ATP5IF1: variants seen among roughly 807,000 people sequenced by gnomAD.
ATP5IF1 encodes ATP synthase inhibitory factor subunit 1, also known as ATPase inhibitor, mitochondrial.
In ATP5IF1, 12 loss-of-function variants were observed where a neutral mutation model predicts 8.5. That is an observed-to-expected ratio of 1.41 (90% CI 0.90 to 2.28). The LOEUF is 2.28. Among genes scored for constraint, ATP5IF1 ranks in the 30% most tolerant of loss-of-function variants. The pLI is 0.00. For missense variants in ATP5IF1, 154 were observed against 140.2 expected (o/e 1.10, Z -0.50); for synonymous variants, 51 against 53.4 (o/e 0.96, Z 0.19).
intron 2 of ATP5IF1, chr1:28,236,804 AC>A (rs1647041182): frequency 2.3e-5 from 27 of 1,184,740 alleles, no homozygotes; most frequent in Non-Finnish European, 2.9e-5. Flanking sequence ...TCTAGATCCG[AC>A]CGCCCAACGT....
chr1:28,236,643 G>T, intron 2 of ATP5IF1, 191 bp downstream of exon 2: 1 of 1,499,458 alleles, frequency 6.7e-7, no homozygotes, highest in Non-Finnish European at 8.9e-7. Context: ...GGCACTCCCA[G>T]TTACCTGCAC....
chr1:28,236,515 T>G (rs2149028502), intron 2 of ATP5IF1, 63 bp downstream of exon 2: 1 of 1,611,628 alleles, frequency 6.2e-7, no homozygotes, highest in Non-Finnish European at 8.5e-7. Context: ...ATCCTTAAAC[T>G]GCCAATCGCC....
At chr1:28,237,117 T>C in intron 2 of ATP5IF1, 1 of 993,774 alleles carries the variant, frequency 1.0e-6, no homozygotes, top group Non-Finnish European at 1.2e-6. Flanking sequence ...GAGTTATCTT[T>C]AACTGACTTC....
At chr1:28,236,706 A>C in intron 2 of ATP5IF1, 1 of 1,411,202 alleles carries the variant, frequency 7.1e-7, no homozygotes, top group Non-Finnish European at 9.3e-7. Flanking sequence ...AAAACAACCC[A>C]CGGCTCAACT....
At chr1:28,237,005 A>G in intron 2 of ATP5IF1, 1 of 1,024,976 alleles carries the variant, frequency 9.8e-7, no homozygotes, top group Non-Finnish European at 1.2e-6. Context: ...GTTGGACACC[A>G]TCTTCTAAAG....
At chr1:28,237,787 C>T in intron 2 of ATP5IF1, 50 bp from the exon 3 acceptor site, 1 of 1,614,134 alleles carries the variant, frequency 6.2e-7, no homozygotes, top group Non-Finnish European at 8.5e-7. Flanking sequence ...TTTGAGATCT[C>T]TTTGGGGTGA....
Position 28,236,985 on chromosome 1 carries a change from G to T in ATP5IF1, c.179+533G>T. 5.8e-6 allele frequency: 6 copies of T among 1,036,878 alleles called. No individual in the cohort carries two copies. In the South Asian group the frequency reaches 2.0e-4, roughly 35 times the overall value. The allele number at this position is 1,036,878 out of a possible 1,614,324, so 64.2% of individuals were successfully genotyped here. ...AGGATGATGGGAGCTGGTCATGGGA[G>T]CTACTTATGGTTGGACACCATCTTC... On this transcript the variant is annotated intron_variant, in intron 2 of 2. Transcript: ENST00000335514.
At position 28,237,910 on chromosome 1, in the gene ATP5IF1, A is replaced by C; in HGVS notation, c.253A>C (p.Ile85Leu). The change falls in exon 3 of 3, where the codon ATT becomes CTT. Residue 85 changes from isoleucine to leucine, a missense_variant. Ile to Leu is a conservative substitution (Grantham distance 5, BLOSUM62 2). Coordinates refer to ENST00000335514, the MANE Select transcript of ATP5IF1 (RefSeq NM_016311.5). ...EEEIVHHKKE[I>L]ERLQKEIERH... ...AGAAATCGTTCATCATAAGAAGGAG[A>C]TTGAGCGTCTGCAGAAAGAAATTGA... The C allele has an allele frequency of 6.2e-7, 1 of 1,614,150 alleles. No homozygotes were observed. Among genetic ancestry groups the C allele is most frequent in the Non-Finnish European group, 8.5e-7 (1 of 1,180,040 alleles).
intron 2 of ATP5IF1, chr1:28,236,846 AC>A (rs1647041585): frequency 2.6e-6 from 3 of 1,161,038 alleles, no homozygotes; most frequent in Middle Eastern, 4.0e-4. Context: ...CTCGGCCCTT[AC>A]CCACCTGTCA....
intron 2 of ATP5IF1, chr1:28,236,962 G>C: frequency 1.9e-6 from 2 of 1,055,372 alleles, no homozygotes; most frequent in Non-Finnish European, 2.3e-6. Context: ...CAAGAGTGAG[G>C]ATGATGGGAG....
At chr1:28,237,622 T>G in intron 2 of ATP5IF1, 1 of 1,471,978 alleles carries the variant, frequency 6.8e-7, no homozygotes, top group African/African-American at 1.4e-5. Flanking sequence ...TAAAGAGGAA[T>G]CTGAAAGCAA....
Position 28,238,044 on chromosome 1 carries a change from TTAAC to T in ATP5IF1, c.*70_*73del. ...ACTTCTGTGTAGACATGGTTCTGGT[TTAAC>T]TAATATTTGTCTGTGTGCTACTAAC... On this transcript the variant is annotated 3_prime_UTR_variant, in exon 3 of 3. Transcript: ENST00000335514. 6 of 1,476,904 alleles carry T rather than the reference TTAAC, an allele frequency of 4.1e-6. No homozygotes were observed. Among genetic ancestry groups the T allele is most frequent in the East Asian group, 2.3e-5 (1 of 44,074 alleles). 91.5% of individuals were successfully genotyped at this position (1,476,904 alleles called of 1,614,324 possible). A position where few individuals can be genotyped will look rare whatever the true frequency, so the allele number is the denominator to read the frequency against.
intron 2 of ATP5IF1, chr1:28,237,370 C>T (rs78144878): frequency 9.6e-7 from 1 of 1,042,296 alleles, no homozygotes; most frequent in Non-Finnish European, 1.2e-6. Flanking sequence ...ATTGAACTGC[C>T]AAGTACTGCG....
At chr1:28,237,637 C>G (rs552218002) in intron 2 of ATP5IF1, 200 bp from the exon 3 acceptor site, 2 of 1,496,244 alleles carry the variant, frequency 1.3e-6, no homozygotes, top group African/African-American at 1.4e-5. Flanking sequence ...AAGCAATAAG[C>G]TCTTTGGTCT....
Position 28,237,943 on chromosome 1 carries a change from AAGC to A in ATP5IF1, c.289_291del (p.Gln97del). ...TCTGCAGAAAGAAATTGAGCGCCATAAGCAGAAGATCAAAATGCTAAAACATGA... is the reference window on the plus strand; with the variant it reads ...TCTGCAGAAAGAAATTGAGCGCCATAAGAAGATCAAAATGCTAAAACATGA... On this transcript the variant is annotated inframe_deletion, in exon 3 of 3. Transcript: ENST00000335514. 6.2e-7 allele frequency: 1 copy of A among 1,613,348 alleles called. No individual in the cohort carries two copies. The highest frequency in any genetic ancestry group is 8.5e-7 in the Non-Finnish European group (1 of 1,179,996).
At chr1:28,237,568 A>C (rs770600600) in intron 2 of ATP5IF1, 27 of 1,421,492 alleles carry the variant, frequency 1.9e-5, no homozygotes, top group Non-Finnish European at 2.4e-5. Flanking sequence ...TCCCCTCATA[A>C]GGTATTAGGG....
intron 2 of ATP5IF1, 50 bp downstream of exon 2, chr1:28,236,502 C>G: frequency 6.2e-7 from 1 of 1,613,458 alleles, no homozygotes; most frequent in Non-Finnish European, 8.5e-7. Context: ...CAATGGCCTT[C>G]CAATCCTTAA....
chr1:28,237,925 A>G lies in ATP5IF1; in HGVS notation c.268A>G (p.Lys90Glu), dbSNP rs983352469. The change falls in exon 3 of 3, where the codon AAA becomes GAA. Residue 90 changes from lysine (K) to glutamate (E), a missense_variant. Lys to Glu is a moderately conservative substitution (Grantham distance 56). Coordinates refer to ENST00000335514, the MANE Select transcript of ATP5IF1 (RefSeq NM_016311.5). Reference protein sequence around the residue: ...HHKKEIERLQKEIERHKQKIK... With the variant: ...HHKKEIERLQEEIERHKQKIK... ...TAAGAAGGAGATTGAGCGTCTGCAGAAAGAAATTGAGCGCCATAAGCAGAA... is the reference window on the plus strand; with the variant it reads ...TAAGAAGGAGATTGAGCGTCTGCAGGAAGAAATTGAGCGCCATAAGCAGAA... The G allele has an allele frequency of 3.1e-6, 5 of 1,613,846 alleles. No homozygotes were observed. Among genetic ancestry groups the G allele is most frequent in the Non-Finnish European group, 3.4e-6 (4 of 1,180,044 alleles).
intron 2 of ATP5IF1, 41 bp downstream of exon 2, chr1:28,236,493 A>G: frequency 6.2e-7 from 1 of 1,613,634 alleles, no homozygotes; most frequent in Non-Finnish European, 8.5e-7. Flanking sequence ...TGGATCTCCC[A>G]ATGGCCTTCC....
Sources: allele counts gnomAD v4.1 joint callset, GRCh38; gene constraint gnomAD v4.1.1; transcripts MANE v1.5; gene names NCBI Gene and HGNC (gene_info 2026-07-23, HGNC 2026-07-21).